The following SHANK2 variants were observed in gnomAD, a reference collection of about 807,000 sequenced individuals.
SHANK2 encodes SH3 and multiple ankyrin repeat domains 2.
SHANK2 carries 43 observed loss-of-function variants against 133.7 expected under a neutral mutation model. That is an observed-to-expected ratio of 0.32 (90% CI 0.25 to 0.41). The LOEUF (loss-of-function observed/expected upper bound fraction) is 0.41, where lower values mean the gene tolerates loss of function less well. SHANK2 is among the 10% of genes least tolerant of loss of function. The pLI, the probability that SHANK2 is intolerant of heterozygous loss-of-function variation, is 1.00. For synonymous variants in SHANK2, 1,017 were observed against 952.8 expected (o/e 1.07, Z -1.24); for missense variants, 1,994 against 2,235.8 (o/e 0.89, Z 2.18).
At chr11:70,840,287 C>A (rs1211744247) in intron 11 of SHANK2, among the ~76,000 whole-genome samples, 2 of 152,194 alleles carry the variant, frequency 1.3e-5, no homozygotes, top group Non-Finnish European at 2.9e-5. Context: ...TCACCTGGCA[C>A]ACTACAGAGC....
intron 17 of SHANK2, among the ~76,000 whole-genome samples, chr11:70,624,236 G>C (rs868933365): frequency 8.5e-5 from 13 of 152,132 alleles, no homozygotes; most frequent in Middle Eastern, 3.4e-3. Context: ...TGATGGGGGC[G>C]GGCTGTCACC....
intron 13 of SHANK2, 114 bp from the exon 14 acceptor site, chr11:70,798,670 C>A: frequency 1.5e-6 from 1 of 660,156 alleles, no homozygotes; most frequent in Non-Finnish European, 2.8e-6. Flanking sequence ...CCTGGCCAGG[C>A]CTGCAGAGCA....
At chr11:71,164,089 AGG>A (rs1166685918) in intron 2 of SHANK2, among the ~76,000 whole-genome samples, 3 of 152,130 alleles carry the variant, frequency 2.0e-5, no homozygotes, top group Admixed American at 2.0e-4. Context: ...CCAAATTTTC[AGG>A]TACCCTGTGT....
intron 1 of SHANK2, among the ~76,000 whole-genome samples, chr11:71,237,366 T>C (rs987208138): frequency 6.6e-6 from 1 of 152,204 alleles, no homozygotes; most frequent in Non-Finnish European, 1.5e-5. Context: ...AACACAGCCA[T>C]GCCCATTCCC....
intron 10 of SHANK2, among the ~76,000 whole-genome samples, chr11:70,936,657 T>C (rs1555083478): frequency 6.6e-6 from 1 of 152,232 alleles, no homozygotes; most frequent in Non-Finnish European, 1.5e-5. Context: ...CTGAAGATCA[T>C]GTTAGCAACC....
chr11:70,934,410 GCC>G (rs1455472884), intron 10 of SHANK2, among the ~76,000 whole-genome samples: 2 of 152,076 alleles, frequency 1.3e-5, no homozygotes. Context: ...TTCCTAAACA[GCC>G]CAGCCCCGCC....
chr11:70,694,966 TCTG>T (rs1174163507), intron 15 of SHANK2, among the ~76,000 whole-genome samples: 4 of 152,140 alleles, frequency 2.6e-5, no homozygotes, highest in African/African-American at 9.7e-5. Context: ...TGAGGCCAGT[TCTG>T]CTGGTCCTGG....
At chr11:70,608,225 G>A (rs113333648) in intron 17 of SHANK2, among the ~76,000 whole-genome samples, 195 of 152,256 alleles carry the variant, frequency 1.3e-3, no homozygotes, top group African/African-American at 4.5e-3. Flanking sequence ...TCCCTGCCTT[G>A]GCCTCCCAAA....
In SHANK2 at chr11:70,502,839, C is replaced by T. The variant is rs781860124; in HGVS notation, c.2154G>A (p.Thr718=). The stretch of plus-strand genomic sequence containing the variant: ...CGTCGGGGTCCAGATTCCTGGTCAC[C>T]GTGACCACCTTAAGGACCAGGTGAT... ...GGNHLVLKVV[T]VTRNLDPDDT... The change falls in exon 18 of 26, where the codon ACG becomes ACA. Residue 718 remains threonine, a synonymous_variant. Transcript: ENST00000601538. The T allele has an allele frequency of 5.4e-5, 87 of 1,612,932 alleles. No homozygotes were observed. Among genetic ancestry groups the T allele is most frequent in the Middle Eastern group, 3.3e-4 (2 of 6,002 alleles).
intron 12 of SHANK2, among the ~76,000 whole-genome samples, chr11:70,812,345 G>A (rs1948297485): frequency 6.6e-6 from 1 of 152,196 alleles, no homozygotes; most frequent in African/African-American, 2.4e-5. Flanking sequence ...AGTGACATAC[G>A]GTTCCAGCCA....
intron 17 of SHANK2, among the ~76,000 whole-genome samples, chr11:70,641,571 A>G (rs1308691685): frequency 6.6e-6 from 1 of 152,088 alleles, no homozygotes; most frequent in Non-Finnish European, 1.5e-5. Context: ...ACGGAACAGA[A>G]GCGGAAGTGA....
At chr11:70,645,358 A>G (rs1199029921) in intron 17 of SHANK2, among the ~76,000 whole-genome samples, 3 of 152,058 alleles carry the variant, frequency 2.0e-5, no homozygotes, top group Non-Finnish European at 4.4e-5. Flanking sequence ...TAGGCTGGGG[A>G]TAGGGCTGGA....
intron 17 of SHANK2, among the ~76,000 whole-genome samples, chr11:70,510,105 G>A (rs1318527307): frequency 6.6e-6 from 1 of 152,126 alleles, no homozygotes; most frequent in Non-Finnish European, 1.5e-5. Flanking sequence ...TGACCCAGGA[G>A]TGACTGGTCT....
intron 17 of SHANK2, among the ~76,000 whole-genome samples, chr11:70,518,695 G>T (rs978822500): frequency 6.6e-6 from 1 of 152,160 alleles, no homozygotes; most frequent in Non-Finnish European, 1.5e-5. Flanking sequence ...GCATACCCAC[G>T]CCAGGAGCCC....
chr11:71,058,541 G>A (rs1215289187), intron 9 of SHANK2, among the ~76,000 whole-genome samples: 2 of 152,248 alleles, frequency 1.3e-5, no homozygotes, highest in Non-Finnish European at 2.9e-5. Flanking sequence ...TTTTGGAAGT[G>A]CATTTAAATG....
intron 2 of SHANK2, among the ~76,000 whole-genome samples, chr11:71,191,492 C>T (rs1555115425): frequency 6.6e-6 from 1 of 151,926 alleles, no homozygotes; most frequent in Non-Finnish European, 1.5e-5. Flanking sequence ...TCCACGCATC[C>T]CTCATAGGGT....
At chr11:71,098,829 AC>A (rs1453939547) in intron 6 of SHANK2, among the ~76,000 whole-genome samples, 2 of 150,902 alleles carry the variant, frequency 1.3e-5, no homozygotes, top group Admixed American at 6.6e-5. Flanking sequence ...AGCCCGCACC[AC>A]CCCCCACCCC....
intron 11 of SHANK2, among the ~76,000 whole-genome samples, chr11:70,887,127 G>A (rs1260135765): frequency 2.0e-5 from 3 of 152,128 alleles, no homozygotes; most frequent in Non-Finnish European, 4.4e-5. Context: ...GTGCACGACT[G>A]TTTCAGATGC....
chr11:70,553,430 T>C (rs1175980886), intron 17 of SHANK2, among the ~76,000 whole-genome samples: 1 of 152,160 alleles, frequency 6.6e-6, no homozygotes. Flanking sequence ...TGTCTTCAAA[T>C]ACAGTCACAT....
Sources: allele counts gnomAD v4.1 joint callset (sites outside exome capture counted in the v4.1 genomes callset), GRCh38; gene constraint gnomAD v4.1.1; transcripts MANE v1.5; gene names NCBI Gene and HGNC (gene_info 2026-07-23, HGNC 2026-07-21).